RUFY4: variants seen among roughly 807,000 people sequenced by gnomAD.
RUFY4 encodes the protein RUN and FYVE domain containing 4.
In RUFY4, 73 loss-of-function variants were observed where a neutral mutation model predicts 69.0. The ratio of observed to expected loss-of-function variants is 1.06; its 90% CI spans 0.88 to 1.29. The LOEUF is 1.29. Among genes scored for constraint, RUFY4 ranks in the 50% most tolerant of loss-of-function variants. The pLI is 0.00. For synonymous variants in RUFY4, 287 were observed against 271.8 expected, an observed-to-expected ratio of 1.06 and a Z score of -0.55; for missense variants, 770 against 705.6, an observed-to-expected ratio of 1.09 and a Z score of -1.03.
intron 6 of RUFY4, 88 bp downstream of exon 8, chr2:218,073,973 G>T: frequency 2.3e-6 from 3 of 1,286,458 alleles, no homozygotes; most frequent in Non-Finnish European, 1.1e-6. Flanking sequence ...TTCCCCCTCC[G>T]AGTGTACAGA....
upstream of RUFY4, among the ~76,000 whole-genome samples, chr2:218,066,304 C>T (rs1689329567): frequency 6.6e-6 from 1 of 151,538 alleles, no homozygotes; most frequent in South Asian, 2.1e-4. Context: ...CTGCCTCAGC[C>T]TCCCCAGAAG....
chr2:218,061,610 T>C (rs978619460), intron 3 of RUFY4, among the ~76,000 whole-genome samples: 1 of 152,234 alleles, frequency 6.6e-6, no homozygotes, highest in Non-Finnish European at 1.5e-5. Flanking sequence ...ATGTTAGTGA[T>C]AAATGCCACA....
intron 2 of RUFY4, among the ~76,000 whole-genome samples, chr2:218,037,216 A>T (rs1958992186): frequency 6.6e-6 from 1 of 151,980 alleles, no homozygotes; most frequent in Non-Finnish European, 1.5e-5. Context: ...GCTACTTGGG[A>T]GGCTGAGGCA....
Position 218,075,714 on chromosome 2 carries a change from G to A in RUFY4, c.1222G>A (p.Glu408Lys), listed in dbSNP as rs376028270. ...TGTGGCCAGAAGGGAGGAGCAAGCC[G>A]AGGTGTCCCTGCAGGACGAGATCAA... is the stretch of plus-strand genomic sequence containing the variant. The change falls in exon 7 of 11, where the codon GAG (glutamate) becomes AAG (lysine). Residue 408 changes from glutamate (E) to lysine (K), a missense_variant. Glu to Lys is a moderately conservative substitution (Grantham distance 56, BLOSUM62 1). Transcript: ENST00000344321. 53 of 1,453,244 alleles carry A rather than the reference G, an allele frequency of 3.6e-5. No homozygotes were observed. The highest frequency in any genetic ancestry group is 4.3e-5 in the Non-Finnish European group (47 of 1,102,598). 90.0% of individuals were successfully genotyped at this position (1,453,244 alleles called of 1,614,324 possible).
chr2:218,069,924 T>C (rs942241704), upstream of RUFY4, among the ~76,000 whole-genome samples: 5 of 152,216 alleles, frequency 3.3e-5, no homozygotes, highest in Admixed American at 6.5e-5. Context: ...AAGGCAGTAT[T>C]ACAACCAGGC....
chr2:218,075,251 G>A (rs764362009), exon 7 of RUFY4: 3 of 1,576,242 alleles, frequency 1.9e-6, no homozygotes, highest in East Asian at 2.3e-5. Flanking sequence ...AAAAGAAGGG[G>A]GAAAGTTCCA....
Position 218,075,741 on chromosome 2 carries a change from G to T in RUFY4, c.1248+1G>T. The T allele has an allele frequency of 7.0e-7, 1 of 1,429,802 alleles. No homozygotes were observed. Among genetic ancestry groups the T allele is most frequent in the Non-Finnish European group, 9.2e-7 (1 of 1,090,008 alleles). The allele number at this position is 1,429,802 out of a possible 1,614,324, so 88.6% of individuals were successfully genotyped here. A position where few individuals can be genotyped will look rare whatever the true frequency, so the allele number is the denominator to read the frequency against. On this transcript the variant is annotated splice_donor_variant, in intron 7 of 10. Coordinates refer to ENST00000344321, the Ensembl canonical transcript of RUFY4. LOFTEE classifies it high-confidence loss of function. ...GGTGTCCCTGCAGGACGAGATCAAG[G>T]TGAGAACAGTTGAGCTCCATACCTG...
At chr2:218,082,729 C>A (rs1164579116) in intron 8 of RUFY4, among the ~76,000 whole-genome samples, 6 of 149,506 alleles carry the variant, frequency 4.0e-5, no homozygotes, top group Admixed American at 3.3e-4. Flanking sequence ...TGTTTGTGTT[C>A]TGTTTATGTG....
intron 9 of RUFY4, among the ~76,000 whole-genome samples, chr2:218,088,065 G>A (rs968330666): frequency 6.6e-6 from 1 of 152,208 alleles, no homozygotes; most frequent in African/African-American, 2.4e-5. Flanking sequence ...GTCAGAAATG[G>A]TTTGCCACTG....
At chr2:218,073,329 C>G (rs1359417603) in exon 5 of RUFY4, 1 of 1,578,286 alleles carries the variant, frequency 6.3e-7, no homozygotes, top group Admixed American at 1.8e-5. Context: ...AATGGGGTGG[C>G]CTTCGAGTTG....
intron 8 of RUFY4, among the ~76,000 whole-genome samples, chr2:218,082,287 C>T (rs1300333022): frequency 6.6e-6 from 1 of 152,124 alleles, no homozygotes; most frequent in Non-Finnish European, 1.5e-5. Flanking sequence ...TATTTTAAAG[C>T]AAAACACCAC....
At chr2:218,062,841 T>C (rs1689232682) in intron 3 of RUFY4, among the ~76,000 whole-genome samples, 1 of 152,252 alleles carries the variant, frequency 6.6e-6, no homozygotes, top group South Asian at 2.1e-4. Context: ...TGTGCTGCCA[T>C]GCAGGATGAG....
At chr2:218,047,216 A>C (rs1456283713) in intron 2 of RUFY4, among the ~76,000 whole-genome samples, 1 of 152,174 alleles carries the variant, frequency 6.6e-6, no homozygotes, top group Non-Finnish European at 1.5e-5. Context: ...AACCTTTCAC[A>C]TTCACAGGGA....
intron 3 of RUFY4, among the ~76,000 whole-genome samples, chr2:218,062,586 C>T (rs962639075): frequency 2.6e-5 from 4 of 152,064 alleles, no homozygotes; most frequent in African/African-American, 9.7e-5. Context: ...TGGCATGCAC[C>T]TGTAGTCCTA....
intron 2 of RUFY4, among the ~76,000 whole-genome samples, chr2:218,050,360 G>A (rs185461218): frequency 6.6e-5 from 10 of 152,340 alleles, no homozygotes; most frequent in African/African-American, 2.4e-4. Flanking sequence ...GAGTGAAGGA[G>A]CTGTGATGCT....
At chr2:218,064,018 G>C (rs1689262912) in intron 3 of RUFY4, among the ~76,000 whole-genome samples, 1 of 152,180 alleles carries the variant, frequency 6.6e-6, no homozygotes, top group African/African-American at 2.4e-5. Flanking sequence ...TCAGAGGCCA[G>C]AAGTTGGTCA....
At chr2:218,061,275 T>C (rs1489338312) in intron 3 of RUFY4, 2 of 331,250 alleles carry the variant, frequency 6.0e-6, no homozygotes, top group African/African-American at 4.3e-5. Flanking sequence ...CAAAACATAA[T>C]TGATTTCTAG....
At chr2:218,089,171 C>A in intron 9 of RUFY4, 81 bp from the exon 12 acceptor site, 2 of 1,095,306 alleles carry the variant, frequency 1.8e-6, no homozygotes, top group Non-Finnish European at 1.3e-6. Context: ...TCCTCTCTGT[C>A]TCTCTGTCTG....
At chr2:218,045,119 C>A (rs937020791) in intron 2 of RUFY4, among the ~76,000 whole-genome samples, 14 of 152,102 alleles carry the variant, frequency 9.2e-5, no homozygotes, top group African/African-American at 3.4e-4. Context: ...TGTTTTTTGA[C>A]TTTTTAATAG....
Sources: gnomAD v4.1 joint callset for allele counts (sites outside exome capture counted in the v4.1 genomes callset) on GRCh38, gnomAD v4.1.1 for gene constraint, MANE v1.5 for transcripts, NCBI Gene and HGNC (gene_info 2026-07-23, HGNC 2026-07-21) for gene names.